ZNF624: variants seen among roughly 807,000 people sequenced by gnomAD.
ZNF624 encodes zinc finger protein 624.
Under a neutral mutation model 74.7 loss-of-function variants are expected in ZNF624, and 43 were observed. The ratio of observed to expected loss-of-function variants is 0.58; its 90% CI spans 0.45 to 0.74. The LOEUF (loss-of-function observed/expected upper bound fraction) is 0.74. Ranked by LOEUF, ZNF624 falls within the 30% of genes least tolerant of loss-of-function variation. The probability of loss-of-function intolerance (pLI) is 0.00; values close to 1 mark genes in which losing one functional copy is unlikely to be tolerated. For missense variants in ZNF624, 820 were observed against 1,030.0 expected, an observed-to-expected ratio of 0.80 and a Z score of 2.79; for synonymous variants, 331 against 341.3, an observed-to-expected ratio of 0.97 and a Z score of 0.33.
intron 5 of ZNF624, among the ~76,000 whole-genome samples, chr17:16,628,597 T>C (rs1216100087): frequency 6.6e-6 from 1 of 152,052 alleles, no homozygotes; most frequent in East Asian, 1.9e-4. Flanking sequence ...GTATCCATAC[T>C]GAAACACAAA....
At chr17:16,616,122 A>G (rs1304967972), downstream of ZNF624, among the ~76,000 whole-genome samples, 1 of 148,048 alleles carries the variant, frequency 6.8e-6, no homozygotes, top group African/African-American at 2.5e-5. Context: ...TACAATTGAA[A>G]AAATATAGTA....
chr17:16,649,547 T>G, intron 2 of ZNF624, 111 bp downstream of exon 2: 4 of 921,954 alleles, frequency 4.3e-6, no homozygotes, highest in Non-Finnish European at 7.0e-6. Context: ...TCTATTTAGT[T>G]GAGTTCCCAG....
chr17:16,652,212 T>C (rs896243423), intron 1 of ZNF624, among the ~76,000 whole-genome samples: 3 of 152,146 alleles, frequency 2.0e-5, no homozygotes, highest in Non-Finnish European at 4.4e-5. Context: ...CACATGCATA[T>C]ATGATGTTGC....
chr17:16,631,293 T>G (rs1909201426), intron 5 of ZNF624: 1 of 151,854 alleles, frequency 6.6e-6, no homozygotes, highest in South Asian at 2.1e-4. Context: ...CAGCTGAAAA[T>G]CAACGATCTA....
chr17:16,620,674 A>G (rs1908886651), downstream of ZNF624: 1 of 152,232 alleles, frequency 6.6e-6, no homozygotes, highest in African/African-American at 2.4e-5. Context: ...CTCATTGTAT[A>G]TCCAGCACTG....
chr17:16,649,430 C>A (rs2142659289), intron 2 of ZNF624, among the ~76,000 whole-genome samples: 1 of 152,268 alleles, frequency 6.6e-6, no homozygotes, highest in South Asian at 2.1e-4. Flanking sequence ...TAACTAACGA[C>A]AGCTCAGATA....
chr17:16,632,110 T>C (rs1859092772), intron 5 of ZNF624, among the ~76,000 whole-genome samples: 1 of 152,182 alleles, frequency 6.6e-6, no homozygotes, highest in African/African-American at 2.4e-5. Context: ...AAGCTAATGA[T>C]CTTGCCTCAC....
chr17:16,644,749 C>T (rs1017677537), intron 3 of ZNF624, among the ~76,000 whole-genome samples: 2 of 152,206 alleles, frequency 1.3e-5, no homozygotes, highest in African/African-American at 2.4e-5. Context: ...GACAAGTTAA[C>T]GGCAAACAAT....
At chr17:16,626,721 C>T (rs1674442661) in intron 5 of ZNF624, among the ~76,000 whole-genome samples, 1 of 152,150 alleles carries the variant, frequency 6.6e-6, no homozygotes, top group Admixed American at 6.6e-5. Context: ...CACTGCACTA[C>T]AGCCTGGGTG....
At chr17:16,651,023 G>A (rs532098747) in intron 1 of ZNF624, among the ~76,000 whole-genome samples, 2 of 152,074 alleles carry the variant, frequency 1.3e-5, no homozygotes, top group Admixed American at 6.6e-5. Context: ...AGAATGCAAA[G>A]AATATTAGAG....
At chr17:16,616,549 TAAAAC>T (rs539253395), downstream of ZNF624, among the ~76,000 whole-genome samples, 168 of 152,268 alleles carry the variant, frequency 1.1e-3, 1 homozygote, top group African/African-American at 3.9e-3. Flanking sequence ...CTGAAATACT[TAAAAC>T]AAACAAACAA....
intron 5 of ZNF624, among the ~76,000 whole-genome samples, chr17:16,632,796 C>T (rs551549182): frequency 1.3e-5 from 2 of 152,204 alleles, no homozygotes; most frequent in Non-Finnish European, 2.9e-5. Context: ...GCAGTAGAAT[C>T]TCTCCATGCT....
chr17:16,638,501 GCA>G (rs1262714308), intron 3 of ZNF624, among the ~76,000 whole-genome samples: 1 of 152,138 alleles, frequency 6.6e-6, no homozygotes, highest in Non-Finnish European at 1.5e-5. Flanking sequence ...AGAAAATGTG[GCA>G]CATATACACC....
downstream of ZNF624, chr17:16,616,803 G>A: frequency 1.1e-6 from 1 of 913,990 alleles, no homozygotes; most frequent in Non-Finnish European, 1.7e-6. Context: ...TGCCTAAGCA[G>A]GAAAGTGTTC....
intron 2 of ZNF624, among the ~76,000 whole-genome samples, chr17:16,649,316 A>G (rs1205476894): frequency 6.6e-6 from 1 of 152,192 alleles, no homozygotes; most frequent in Non-Finnish European, 1.5e-5. Context: ...AATTTCCTAT[A>G]TAAAATTTTC....
At chr17:16,643,380 A>G (rs1408106717) in intron 3 of ZNF624, among the ~76,000 whole-genome samples, 3 of 152,248 alleles carry the variant, frequency 2.0e-5, no homozygotes, top group Admixed American at 1.3e-4. Context: ...ATGCTACAAC[A>G]CACATAAACC....
At chr17:16,636,831 G>A (rs113209396) in intron 3 of ZNF624, among the ~76,000 whole-genome samples, 62 of 147,512 alleles carry the variant, frequency 4.2e-4, no homozygotes, top group African/African-American at 1.3e-3. Context: ...GAGAGACTCC[G>A]TCTCAAAAAA....
At chr17:16,634,084 G>A (rs1909270783) in intron 4 of ZNF624, 127 bp from the exon 5 acceptor site, 2 of 583,638 alleles carry the variant, frequency 3.4e-6, no homozygotes, top group East Asian at 2.9e-5. Flanking sequence ...TGCACTGTCT[G>A]ATACAGTTGC....
chr17:16,635,483 A>T (rs543706758), intron 3 of ZNF624, among the ~76,000 whole-genome samples: 42 of 149,942 alleles, frequency 2.8e-4, no homozygotes, highest in Middle Eastern at 3.5e-3. Flanking sequence ...ATAAAAAATT[A>T]AAAAAAAAAT....
Sources: gnomAD v4.1 joint callset for allele counts (sites outside exome capture counted in the v4.1 genomes callset) on GRCh38, gnomAD v4.1.1 for gene constraint, MANE v1.5 for transcripts, NCBI Gene and HGNC (gene_info 2026-07-23, HGNC 2026-07-21) for gene names.